Variants in RBM42 observed in about 807,000 individuals in gnomAD.
RBM42 encodes RNA-binding protein 42.
Under a neutral mutation model 41.4 loss-of-function variants are expected in RBM42, and 21 were observed. The ratio of observed to expected loss-of-function variants is 0.51; its 90% CI spans 0.36 to 0.73. RBM42 has a LOEUF of 0.73. Ranked by LOEUF, RBM42 falls within the 30% of genes least tolerant of loss-of-function variation. The probability of loss-of-function intolerance (pLI) is 0.00; values close to 1 mark genes in which losing one functional copy is unlikely to be tolerated. For synonymous variants in RBM42, 272 were observed against 271.2 expected, an observed-to-expected ratio of 1.00 and a Z score of -0.03; for missense variants, 539 against 680.4, an observed-to-expected ratio of 0.79 and a Z score of 2.31.
In RBM42 at chr19:35,637,476, C is replaced by T. The variant is rs1967518071; in HGVS notation, c.1365C>T (p.Arg455=). The stretch of plus-strand genomic sequence containing the variant: ...TGGGCTCGCGCCCCATCAAGCTTCG[C>T]AAGAGCATGTGGAAGGACCGGAATC... The part of the protein sequence containing the change: ...KYVGSRPIKL[R]KSMWKDRNLD... Residue 455 remains arginine, a synonymous_variant, in exon 10 of 10, where the codon CGC becomes CGT. Transcript: ENST00000262633. This position sits in a 1 kb window ranked among gnomAD's most constrained non-coding sequence, Gnocchi z 7.0. 1 of 1,614,222 alleles carries T rather than the reference C, an allele frequency of 6.2e-7. No individual in the cohort carries two copies.
In RBM42 at chr19:35,633,979, C is replaced by G; in HGVS notation, c.977C>G (p.Pro326Arg). 1.3e-6 allele frequency: 2 copies of G among 1,537,938 alleles called. No individual in the cohort carries two copies. Among genetic ancestry groups the G allele is most frequent in the Non-Finnish European group, 1.7e-6 (2 of 1,147,562 alleles). ...CTGTCCCTGCGTCCTCGGCCCCGGC[C>G]CCCTCGGCCAGAGCCACCCCCAGGC... ...ELLSLRPRPR[P>R]PRPEPPPGLM... The change falls in exon 7 of 10, where the codon CCC (proline) becomes CGC (arginine). Residue 326 changes from proline (P) to arginine (R), a missense_variant. This residue lies in a region of RBM42 where 429 missense variants were observed against 488.9 expected (regional missense o/e 0.88). Coordinates refer to ENST00000262633, the MANE Select transcript of RBM42 (RefSeq NM_024321.5).
At chr19:35,630,149 A>G (rs1967381190) in intron 2 of RBM42, among the ~76,000 whole-genome samples, 1 of 151,882 alleles carries the variant, frequency 6.6e-6, no homozygotes, top group Non-Finnish European at 1.5e-5. Flanking sequence ...CCCCATCTCT[A>G]CTAAAATTAC....
At chr19:35,635,251 G>A (rs1967475768) in intron 8 of RBM42, among the ~76,000 whole-genome samples, 1 of 150,662 alleles carries the variant, frequency 6.6e-6, no homozygotes, top group African/African-American at 2.4e-5. Flanking sequence ...AGGAGGCAGA[G>A]GTTGCAGTGA....
rs534517176 is a variant in RBM42, at chr19:35,637,055, T to G, written c.1136-103T>G. On this transcript the variant is annotated intron_variant, in intron 8 of 9. Transcript: ENST00000262633. This position sits in a 1 kb window ranked among gnomAD's most constrained non-coding sequence, Gnocchi z 7.0. Reference sequence around the variant, plus strand: ...TTGACCATTATTACTAAGAGGTCCCTAGGCAGAGACTAGATACCTCCGAAA... The same window carrying G: ...TTGACCATTATTACTAAGAGGTCCCGAGGCAGAGACTAGATACCTCCGAAA... The G allele has an allele frequency of 2.5e-5, 27 of 1,089,304 alleles. No individual in the cohort carries two copies. The African/African-American group carries it at 3.5e-4, about 14-fold the overall frequency. 67.5% of individuals were successfully genotyped at this position (1,089,304 alleles called of 1,614,324 possible).
At position 35,631,134 on chromosome 19, in the gene RBM42, C is replaced by T. The variant is rs374227223; in HGVS notation, c.283-6C>T. 2.9e-5 allele frequency: 46 copies of T among 1,613,606 alleles called. No individual in the cohort carries two copies. Among genetic ancestry groups the T allele is most frequent in the East Asian group, 1.6e-4 (7 of 44,892 alleles). On this transcript the variant is annotated splice_polypyrimidine_tract_variant and splice_region_variant and intron_variant, in intron 2 of 9. Transcript: ENST00000262633. ...AGGCCCCTCACCCTGACCTCTTCCT[C>T]GACAGGTCCAGCAGACTCTGGAGGC...
intron 2 of RBM42, among the ~76,000 whole-genome samples, chr19:35,630,884 G>A (rs1967393676): frequency 6.6e-6 from 1 of 152,226 alleles, no homozygotes; most frequent in Non-Finnish European, 1.5e-5. Context: ...GAGATGGGGA[G>A]GACAGGTTGG....
At chr19:35,635,418 C>T (rs921523090) in intron 8 of RBM42, among the ~76,000 whole-genome samples, 2 of 151,550 alleles carry the variant, frequency 1.3e-5, no homozygotes, top group East Asian at 1.9e-4. Flanking sequence ...AGTTTATATT[C>T]GTATTTCCCT....
chr19:35,631,645 C>T (rs528534822), intron 4 of RBM42: 1 of 572,384 alleles, frequency 1.7e-6, no homozygotes, highest in Admixed American at 3.3e-5. Flanking sequence ...CAGCACTTAA[C>T]ACCTCATAAC....
Position 35,633,015 on chromosome 19 carries a change from G to T in RBM42, c.508+14G>T. ...TACAGAGAGCAGGTGAGGGGCCAGG[G>T]TCATCATCCCTGCCACATAACTCCC... On this transcript the variant is annotated intron_variant, in intron 5 of 9. Coordinates refer to ENST00000262633, the MANE Select transcript of RBM42 (RefSeq NM_024321.5). 3 of 1,608,548 alleles carry T rather than the reference G, an allele frequency of 1.9e-6. No individual in the cohort carries two copies. The highest frequency in any genetic ancestry group is 1.3e-5 in the African/African-American group (1 of 74,912).
At chr19:35,633,657 G>A in intron 6 of RBM42, 30 bp from the exon 7 acceptor site, 2 of 1,402,998 alleles carry the variant, frequency 1.4e-6, no homozygotes, top group South Asian at 1.7e-5. Flanking sequence ...CTGTGAGCCG[G>A]CCCCCCTCAT....
At chr19:35,632,706 G>T (rs888470671) in intron 4 of RBM42, among the ~76,000 whole-genome samples, 2 of 152,050 alleles carry the variant, frequency 1.3e-5, no homozygotes, top group African/African-American at 4.8e-5. Context: ...GTCTGTTGGT[G>T]TGTCCCCAGC....
chr19:35,637,613 C>T lies in RBM42; in HGVS notation c.*59C>T. The T allele has an allele frequency of 7.5e-7, 1 of 1,338,794 alleles. No homozygotes were observed. Among genetic ancestry groups the T allele is most frequent in the South Asian group, 1.2e-5 (1 of 82,224 alleles). 82.9% of individuals were successfully genotyped at this position (1,338,794 alleles called of 1,614,324 possible). On this transcript the variant is annotated 3_prime_UTR_variant, in exon 10 of 10. Transcript: ENST00000262633. The surrounding 1 kb of genome is among the most constrained non-coding windows in gnomAD (Gnocchi z 7.0). ...GGGCGCTGGCTCCTCCCTCAGTTCT[C>T]TTTGGAAAACCCCCAGCTGTCCACC...
rs549472312 is a variant in RBM42, at chr19:35,630,944, G to A, written c.283-196G>A. Among the ~76,000 whole-genome samples, 96 of 152,326 alleles carry A rather than the reference G, an allele frequency of 6.3e-4. No individual in the cohort carries two copies. The Middle Eastern group carries it at 0.02, about 32-fold the overall frequency. ...GCTGTGGGGAAGATGAAATAAGGTGGTGAGAGAAGTTGCTGCTCAGAGAGC... is the reference window on the plus strand; with the variant it reads ...GCTGTGGGGAAGATGAAATAAGGTGATGAGAGAAGTTGCTGCTCAGAGAGC... On this transcript the variant is annotated intron_variant, in intron 2 of 9. Transcript: ENST00000262633.
chr19:35,633,028 C>T, intron 5 of RBM42, 27 bp downstream of exon 5: 1 of 1,595,460 alleles, frequency 6.3e-7, no homozygotes, highest in Non-Finnish European at 8.6e-7. Flanking sequence ...ATCATCCCTG[C>T]CACATAACTC....
At chr19:35,635,966 T>TA (rs2146353605) in intron 8 of RBM42, among the ~76,000 whole-genome samples, 1 of 152,238 alleles carries the variant, frequency 6.6e-6, no homozygotes, top group South Asian at 2.1e-4. Context: ...AACTTGTGCT[T>TA]AGAGTGTCCC....
intron 8 of RBM42, among the ~76,000 whole-genome samples, chr19:35,636,263 A>G (rs1967497592): frequency 6.6e-6 from 1 of 151,290 alleles, no homozygotes; most frequent in Non-Finnish European, 1.5e-5. Flanking sequence ...GGTTGAAGCA[A>G]TTCTCCCACC....
intron 4 of RBM42, among the ~76,000 whole-genome samples, chr19:35,632,220 T>C (rs1446728450): frequency 6.6e-6 from 1 of 152,160 alleles, no homozygotes; most frequent in East Asian, 1.9e-4. Flanking sequence ...TTGATCAAAA[T>C]GCAAATCTGA....
At chr19:35,635,246 G>T (rs1355126696) in intron 8 of RBM42, among the ~76,000 whole-genome samples, 1 of 150,196 alleles carries the variant, frequency 6.7e-6, no homozygotes, top group East Asian at 2.0e-4. Context: ...AACCCAGGAG[G>T]CAGAGGTTGC....
At chr19:35,631,451 T>C (rs1264297463) in intron 4 of RBM42, 46 bp downstream of exon 4, 1 of 1,553,180 alleles carries the variant, frequency 6.4e-7, no homozygotes, top group Non-Finnish European at 8.9e-7. Flanking sequence ...GGCACTCTTG[T>C]TTACATGACT....
Sources: gnomAD v4.1 joint callset for allele counts (sites outside exome capture counted in the v4.1 genomes callset) on GRCh38, gnomAD v4.1.1 for gene constraint, gnomAD v4.1.1 regional missense constraint, Gnocchi (gnomAD v3.1) non-coding constraint, MANE v1.5 for transcripts, NCBI Gene and HGNC (gene_info 2026-07-23, HGNC 2026-07-21) for gene names.